Variants in FN1 observed in about 807,000 individuals in gnomAD.
The protein encoded by FN1 is fibronectin 1.
In FN1, 106 loss-of-function variants were observed where a neutral mutation model predicts 297.3. The ratio of observed to expected loss-of-function variants is 0.36; its 90% CI spans 0.30 to 0.42. FN1 has a LOEUF of 0.42. FN1 is among the 10% of genes least tolerant of loss of function. The pLI is 1.00. For missense variants in FN1, 2,690 were observed against 3,124.9 expected, an observed-to-expected ratio of 0.86 and a Z score of 3.32; for synonymous variants, 1,149 against 1,152.6, an observed-to-expected ratio of 1.00 and a Z score of 0.06.
At position 215,386,915 on chromosome 2, in the gene FN1, G is replaced by A. The variant is rs1027848692; in HGVS notation, c.4386C>T (p.Ala1462=). The change falls in exon 28 of 46, where the codon GCC becomes GCT. Residue 1462 remains alanine (A), a synonymous_variant. Transcript: ENST00000354785. ...PTGIDFSDIT[A]NSFTVHWIAP... ...CAATCCAGTGCACAGTAAAAGAGTT[G>A]GCAGTAATATCAGAAAAGTCAATGC... 4.3e-6 allele frequency: 7 copies of A among 1,613,052 alleles called. No homozygotes were observed. Among genetic ancestry groups the A allele is most frequent in the Non-Finnish European group, 5.1e-6 (6 of 1,179,722 alleles).
At chr2:215,389,387 G>T (rs777361274) in intron 26 of FN1, among the ~76,000 whole-genome samples, 1 of 152,122 alleles carries the variant, frequency 6.6e-6, no homozygotes, top group Non-Finnish European at 1.5e-5. Flanking sequence ...ACAGGCGTGA[G>T]CCACTGTGCC....
At position 215,423,415 on chromosome 2, in the gene FN1, A is replaced by G. The variant is rs1366885306; in HGVS notation, c.1328T>C (p.Met443Thr). Reference protein sequence around the residue: ...DCTSEGRRDNMKWCGTTQNYD... With the variant: ...DCTSEGRRDNTKWCGTTQNYD... ...GTTCTGTGTGGTCCCACACCACTTCATGTTGTCTCTTCTGCCCTCAGAAGT... is the reference window on the plus strand; with the variant it reads ...GTTCTGTGTGGTCCCACACCACTTCGTGTTGTCTCTTCTGCCCTCAGAAGT... The change falls in exon 9 of 46, where the codon ATG becomes ACG. Residue 443 changes from methionine (M) to threonine (T), a missense_variant. Physicochemically the swap from Met to Thr is moderately conservative, Grantham distance 81 (BLOSUM62 -1). Coordinates refer to ENST00000354785, the MANE Select transcript of FN1 (RefSeq NM_212482.4). 6.2e-7 allele frequency: 1 copy of G among 1,614,192 alleles called. No homozygotes were observed. The highest frequency in any genetic ancestry group is 1.3e-5 in the African/African-American group (1 of 75,032).
chr2:215,405,084 ATT>A (rs1442893013), intron 19 of FN1, among the ~76,000 whole-genome samples: 1 of 152,230 alleles, frequency 6.6e-6, no homozygotes, highest in East Asian at 1.9e-4. Flanking sequence ...CAAAAGCAAT[ATT>A]CTGTGAATAG....
intron 36 of FN1, 137 bp from the exon 37 acceptor site, chr2:215,375,855 G>A: frequency 1.4e-6 from 1 of 698,804 alleles, no homozygotes; most frequent in Non-Finnish European, 2.7e-6. Context: ...CATTTGAACA[G>A]TAAAGTAGAG....
At position 215,397,938 on chromosome 2, in the gene FN1, G is replaced by A. The variant is rs2060501622; in HGVS notation, c.3349-90C>T. 4.4e-6 allele frequency: 5 copies of A among 1,142,670 alleles called. No individual in the cohort carries two copies. In the South Asian group the frequency reaches 6.2e-5, roughly 14 times the overall value. 70.8% of individuals were successfully genotyped at this position (1,142,670 alleles called of 1,614,324 possible). ...AGGCTATGATTATGCTTTAAATAGT[G>A]TAAACTCTTCAGAAACTGCACAGTG... On this transcript the variant is annotated intron_variant, in intron 21 of 45. Coordinates refer to ENST00000354785, the MANE Select transcript of FN1 (RefSeq NM_212482.4).
At chr2:215,411,976 T>C (rs555438671) in intron 13 of FN1, among the ~76,000 whole-genome samples, 38 of 152,216 alleles carry the variant, frequency 2.5e-4, no homozygotes, top group African/African-American at 8.7e-4. Flanking sequence ...CCAAAGTACA[T>C]TTTATACCAC....
intron 30 of FN1, 125 bp from the exon 31 acceptor site, chr2:215,383,608 C>T (rs531330616): frequency 1.8e-5 from 18 of 1,021,608 alleles, no homozygotes; most frequent in East Asian, 1.5e-4. Flanking sequence ...TATTTCTTCT[C>T]GAAAGAATAC....
intron 34 of FN1, among the ~76,000 whole-genome samples, chr2:215,378,811 A>C (rs2057755437): frequency 6.6e-6 from 1 of 152,236 alleles, no homozygotes; most frequent in Non-Finnish European, 1.5e-5. Flanking sequence ...AACAGAGCTC[A>C]GAAAATGCAT....
chr2:215,423,751 C>A lies in FN1; in HGVS notation c.1217-225G>T, dbSNP rs1213857941. Among the ~76,000 whole-genome samples the A allele has an allele frequency of 3.3e-5, 5 of 151,810 alleles. No homozygotes were observed. In the East Asian group the frequency reaches 9.7e-4, roughly 30 times the overall value. ...ACTTTCACTGTCATTTCCCCAGCAC[C>A]CCCCCCACAAAAGATTAAATGATAG... On this transcript the variant is annotated intron_variant, in intron 8 of 45. Coordinates refer to ENST00000354785, the MANE Select transcript of FN1 (RefSeq NM_212482.4).
At position 215,391,733 on chromosome 2, in the gene FN1, A is replaced by G. The variant is rs768047478; in HGVS notation, c.4151T>C (p.Ile1384Thr). The change falls in exon 26 of 46, where the codon ATT (isoleucine) becomes ACT (threonine). Residue 1384 changes from isoleucine (I) to threonine (T), a missense_variant. Physicochemically the swap from Ile to Thr is moderately conservative, Grantham distance 89. Transcript: ENST00000354785. ...ACGCACCAGGAAGTTGGTTAAATCAATGGATGGGGGTGGAGCCCAGGTGAC... is the reference window on the plus strand; with the variant it reads ...ACGCACCAGGAAGTTGGTTAAATCAGTGGATGGGGGTGGAGCCCAGGTGAC... ...MRVTWAPPPS[I>T]DLTNFLVRYS... 9 of 1,614,050 alleles carry G rather than the reference A, an allele frequency of 5.6e-6. No individual in the cohort carries two copies. Among genetic ancestry groups the G allele is most frequent in the Admixed American group, 5.0e-5 (3 of 59,992 alleles).
intron 42 of FN1, chr2:215,367,557 G>T: frequency 2.5e-6 from 1 of 398,234 alleles, no homozygotes; most frequent in Non-Finnish European, 4.8e-6. Flanking sequence ...AAATAGACCT[G>T]GTTCCAAAAG....
chr2:215,362,570 C>T (rs1053701429), intron 44 of FN1: 3 of 166,276 alleles, frequency 1.8e-5, no homozygotes, highest in Admixed American at 1.7e-4. Flanking sequence ...TTGGGCCTGC[C>T]GCCCAGGAGG....
chr2:215,410,186 T>C, intron 13 of FN1, 72 bp from the exon 14 acceptor site: 1 of 1,447,868 alleles, frequency 6.9e-7, no homozygotes, highest in Non-Finnish European at 9.5e-7. Context: ...AAGATGATGT[T>C]CAGTAATCTT....
At chr2:215,375,108 T>G (rs1361737661) in intron 38 of FN1, 106 bp downstream of exon 38, 2 of 1,147,148 alleles carry the variant, frequency 1.7e-6, no homozygotes, top group East Asian at 4.7e-5. Context: ...AGGAACAGAG[T>G]TTCGCATTCT....
At chr2:215,395,831 G>A (rs1478701981) in intron 23 of FN1, among the ~76,000 whole-genome samples, 1 of 152,202 alleles carries the variant, frequency 6.6e-6, no homozygotes, top group Non-Finnish European at 1.5e-5. Context: ...ACACTTGCTA[G>A]TGGTCATCCA....
At position 215,404,443 on chromosome 2, in the gene FN1, C is replaced by T. The variant is rs145483591; in HGVS notation, c.3199G>A (p.Val1067Met). The stretch of plus-strand genomic sequence containing the variant: ...CTCTCTTGGTTGCCCTTTATGGCCA[C>T]GAGGGATACGGTGTACTCAGATGCA... ...QPASEYTVSL[V>M]AIKGNQESPK... The change falls in exon 20 of 46, where the codon GTG becomes ATG. Residue 1067 changes from valine (V) to methionine (M), a missense_variant. Val to Met is a conservative substitution (Grantham distance 21). Coordinates refer to ENST00000354785, the MANE Select transcript of FN1 (RefSeq NM_212482.4). The T allele has an allele frequency of 5.0e-5, 80 of 1,614,040 alleles. No individual in the cohort carries two copies. In the African/African-American group the frequency reaches 6.1e-4, roughly 12 times the overall value.
chr2:215,368,449 G>A (rs188880587), intron 41 of FN1, among the ~76,000 whole-genome samples: 5 of 152,214 alleles, frequency 3.3e-5, no homozygotes, highest in Admixed American at 2.6e-4. Flanking sequence ...CAATACTAGC[G>A]TAATAATAAA....
At chr2:215,366,696 A>T (rs2054679799) in intron 42 of FN1, among the ~76,000 whole-genome samples, 1 of 152,246 alleles carries the variant, frequency 6.6e-6, no homozygotes, top group Admixed American at 6.5e-5. Context: ...TACAAAGTAA[A>T]ATAATTAGAC....
chr2:215,408,719 C>CA, intron 15 of FN1, among the ~76,000 whole-genome samples: 1 of 152,034 alleles, frequency 6.6e-6, no homozygotes, highest in Admixed American at 6.6e-5. Flanking sequence ...AGGTGCACAC[C>CA]ACCACACCCG....
Sources: allele counts gnomAD v4.1 joint callset (sites outside exome capture counted in the v4.1 genomes callset), GRCh38; gene constraint gnomAD v4.1.1; transcripts MANE v1.5; gene names NCBI Gene and HGNC (gene_info 2026-07-23, HGNC 2026-07-21).